The following HSPA4 variants were observed in gnomAD, a reference collection of about 807,000 sequenced individuals.
HSPA4 encodes the protein heat shock protein family A (Hsp70) member 4.
In HSPA4, 25 loss-of-function variants were observed where a neutral mutation model predicts 106.2. That is an observed-to-expected ratio of 0.24 (90% CI 0.17 to 0.33). The LOEUF is 0.33. Among genes scored for constraint, HSPA4 ranks in the 10% least tolerant of loss-of-function variants. The pLI is 1.00. For synonymous variants in HSPA4, 332 were observed against 333.6 expected (o/e 1.00, Z 0.05); for missense variants, 841 against 996.0 (o/e 0.84, Z 2.10).
chr5:133,067,030 TC>T (rs1765316165), intron 2 of HSPA4, among the ~76,000 whole-genome samples: 1 of 152,320 alleles, frequency 6.6e-6, no homozygotes, highest in African/African-American at 2.4e-5. Context: ...AATTTCTAAA[TC>T]AATTTATGTA....
Position 133,052,094 on chromosome 5 carries a change from G to C in HSPA4, c.-157G>C, listed in dbSNP as rs900113129. The C allele has an allele frequency of 1.7e-6, 1 of 590,130 alleles. No homozygotes were observed. The highest frequency in any genetic ancestry group is 1.9e-5 in the African/African-American group (1 of 51,876). 36.6% of individuals were successfully genotyped at this position (590,130 alleles called of 1,614,324 possible). A position where few individuals can be genotyped will look rare whatever the true frequency, so the allele number is the denominator to read the frequency against. On this transcript the variant is annotated 5_prime_UTR_variant, in exon 1 of 19. Coordinates refer to ENST00000304858, the MANE Select transcript of HSPA4 (RefSeq NM_002154.4). ...GGCCTGAGCAGCGCTCTCGGTTGCA[G>C]TACCCACTGGAAGGACTTAGGCGCT...
At chr5:133,088,950 TAA>T (rs1765612027) in intron 9 of HSPA4, 103 bp from the exon 10 acceptor site, 6 of 566,524 alleles carry the variant, frequency 1.1e-5, no homozygotes, top group Non-Finnish European at 1.8e-5. Flanking sequence ...ATAAATATTT[TAA>T]AAAGACCATT....
chr5:133,076,304 C>T (rs951543253), intron 6 of HSPA4: 5 of 237,840 alleles, frequency 2.1e-5, no homozygotes, highest in East Asian at 9.0e-5. Flanking sequence ...TATATTTTAC[C>T]TTGGACATGT....
chr5:133,102,913 C>CTTTTTTTTTTTTTTTTTTTT (rs533273263), intron 17 of HSPA4, among the ~76,000 whole-genome samples: 7 of 103,336 alleles, frequency 6.8e-5, no homozygotes, highest in Non-Finnish European at 7.4e-5. Flanking sequence ...CTAGGGTTGT[C>CTTTTTTTTTTTTTTTTTTTT]TTTTTTTTTT....
intron 7 of HSPA4, among the ~76,000 whole-genome samples, chr5:133,083,495 A>G (rs1333810075): frequency 6.6e-6 from 1 of 152,030 alleles, no homozygotes; most frequent in African/African-American, 2.4e-5. Context: ...TTTATTATAT[A>G]TTTGTTCATA....
intron 1 of HSPA4, among the ~76,000 whole-genome samples, chr5:133,063,864 C>A (rs907304998): frequency 5.9e-5 from 9 of 151,406 alleles, no homozygotes; most frequent in Non-Finnish European, 1.2e-4. Context: ...TTGGTTCAAG[C>A]AATTCTCCTG....
At chr5:133,056,563 G>A (rs186795027) in intron 1 of HSPA4, among the ~76,000 whole-genome samples, 2 of 152,314 alleles carry the variant, frequency 1.3e-5, no homozygotes, top group East Asian at 1.9e-4. Flanking sequence ...GAGCCACCGC[G>A]CCCGGCCTGT....
intron 1 of HSPA4, among the ~76,000 whole-genome samples, chr5:133,060,881 A>G (rs1471891322): frequency 7.0e-6 from 1 of 141,854 alleles, no homozygotes. Context: ...GTGTAGTGGC[A>G]TGATTTTAGC....
intron 1 of HSPA4, among the ~76,000 whole-genome samples, chr5:133,064,246 C>T (rs750208989): frequency 6.6e-6 from 1 of 152,180 alleles, no homozygotes; most frequent in Non-Finnish European, 1.5e-5. Context: ...TGGCTCACGC[C>T]TATAACGTCA....
chr5:133,081,720 T>A (rs1156488991), intron 7 of HSPA4, among the ~76,000 whole-genome samples: 1 of 152,188 alleles, frequency 6.6e-6, no homozygotes, highest in Non-Finnish European at 1.5e-5. Context: ...GGTTTGTCTC[T>A]GCCTATATGT....
rs376898654 is a variant in HSPA4 at position 133,083,144 on chromosome 5, C to T, written c.909-3638C>T. ...AGCGAGACTCCATCTCAAAAAAATA[C>T]AAAAAAAAAAAAAAAAAATTACCCG... is the stretch of plus-strand genomic sequence containing the variant. On this transcript the variant is annotated intron_variant, in intron 7 of 18. Coordinates refer to ENST00000304858, the MANE Select transcript of HSPA4 (RefSeq NM_002154.4). Among the ~76,000 whole-genome samples the T allele has an allele frequency of 1.2e-3, 83 of 70,726 alleles. 1 individual carries two copies. The highest frequency in any genetic ancestry group is 0.01 in the Middle Eastern group (1 of 100). 46.4% of individuals were successfully genotyped at this position (70,726 alleles called of 152,430 possible). A position where few individuals can be genotyped will look rare whatever the true frequency, so the allele number is the denominator to read the frequency against.
chr5:133,088,474 G>A lies in HSPA4; in HGVS notation c.1056G>A (p.Glu352=), dbSNP rs1472082609. 1 of 1,613,482 alleles carries A rather than the reference G, an allele frequency of 6.2e-7. No individual in the cohort carries two copies. Among genetic ancestry groups the A allele is most frequent in the African/African-American group, 1.3e-5 (1 of 75,028 alleles). The change falls in exon 9 of 19, where the codon GAG becomes GAA. Residue 352 remains glutamate (E), a synonymous_variant. Transcript: ENST00000304858. ...GGATRIPAVK[E]KISKFFGKEL... ...CTACACGAATCCCTGCGGTAAAAGA[G>A]AAGATCAGCAAATTTTTCGGTAAAG...
In HSPA4 at chr5:133,106,009, A is replaced by G. The variant is rs933423026; in HGVS notation, c.*1573A>G. 4 of 150,154 alleles carry G rather than the reference A, an allele frequency of 2.7e-5. No homozygotes were observed. The highest frequency in any genetic ancestry group is 9.8e-5 in the African/African-American group (4 of 40,854). The allele number at this position is 150,154 out of a possible 1,614,324, so 9.3% of individuals were successfully genotyped here. A position where few individuals can be genotyped will look rare whatever the true frequency, so the allele number is the denominator to read the frequency against. On this transcript the variant is annotated 3_prime_UTR_variant, in exon 19 of 19. Coordinates refer to ENST00000304858, the MANE Select transcript of HSPA4 (RefSeq NM_002154.4). The stretch of plus-strand genomic sequence containing the variant: ...GTTCCAGCTGGCCTGCTGTGAAGCC[A>G]GTAGCTATTTTAAAAGTGCTGGCTG...
At chr5:133,095,617 C>T (rs1765702109) in intron 13 of HSPA4, among the ~76,000 whole-genome samples, 1 of 152,152 alleles carries the variant, frequency 6.6e-6, no homozygotes, top group African/African-American at 2.4e-5. Flanking sequence ...TACCCTCCTC[C>T]TCACTAACTT....
intron 2 of HSPA4, among the ~76,000 whole-genome samples, chr5:133,065,410 C>T (rs1765294983): frequency 6.6e-6 from 1 of 152,192 alleles, no homozygotes; most frequent in Non-Finnish European, 1.5e-5. Context: ...TAGGCCAATA[C>T]TATGTCATTT....
At chr5:133,065,574 A>G (rs894970147) in intron 2 of HSPA4, among the ~76,000 whole-genome samples, 7 of 152,214 alleles carry the variant, frequency 4.6e-5, no homozygotes, top group Non-Finnish European at 5.9e-5. Context: ...GCAAACTGCC[A>G]GGGTGTATTT....
intron 7 of HSPA4, among the ~76,000 whole-genome samples, chr5:133,081,141 G>A (rs752942448): frequency 7.2e-5 from 11 of 151,956 alleles, no homozygotes; most frequent in Non-Finnish European, 1.6e-4. Flanking sequence ...TCCACCTCCC[G>A]GGTTTAAATG....
At chr5:133,098,739 C>T (rs1765746949) in intron 15 of HSPA4, among the ~76,000 whole-genome samples, 2 of 152,098 alleles carry the variant, frequency 1.3e-5, no homozygotes, top group Admixed American at 6.6e-5. Flanking sequence ...GTGGTACGAT[C>T]TTGGCTCACT....
At position 133,076,679 on chromosome 5, in the gene HSPA4, C is replaced by T; in HGVS notation, c.689C>T (p.Thr230Ile). 1 of 1,613,368 alleles carries T rather than the reference C, an allele frequency of 6.2e-7. No individual in the cohort carries two copies. The highest frequency in any genetic ancestry group is 8.5e-7 in the Non-Finnish European group (1 of 1,179,494). ...GTTCTGGCCACTGCATTTGACACGA[C>T]ATTGGGAGGTAGAAAATTTGATGAA... ...LKVLATAFDT[T>I]LGGRKFDEVL... The change falls in exon 7 of 19, where the codon ACA (threonine) becomes ATA (isoleucine). Residue 230 changes from threonine (T) to isoleucine (I), a missense_variant. By Grantham distance (89) the Thr-to-Ile change is moderately conservative. Around this residue, in one of 5 missense-constraint regions of HSPA4, gnomAD observed 347 missense variants for 408.7 expected, o/e 0.85. Transcript: ENST00000304858.
Sources: allele counts gnomAD v4.1 joint callset (sites outside exome capture counted in the v4.1 genomes callset), GRCh38; gene constraint gnomAD v4.1.1; regional missense constraint gnomAD v4.1.1; transcripts MANE v1.5; gene names NCBI Gene and HGNC (gene_info 2026-07-23, HGNC 2026-07-21).